TMEM45A: variants seen among roughly 807,000 people sequenced by gnomAD.
The protein encoded by TMEM45A is transmembrane protein 45A.
A neutral mutation model predicts 32.0 loss-of-function variants in TMEM45A; 25 were observed. That is an observed-to-expected ratio of 0.78 (90% CI 0.57 to 1.09). TMEM45A has a LOEUF of 1.09. TMEM45A is among the 50% of genes least tolerant of loss of function. The pLI, the probability that TMEM45A is intolerant of heterozygous loss-of-function variation, is 0.00. For missense variants in TMEM45A, 302 were observed against 325.0 expected, an observed-to-expected ratio of 0.93 and a Z score of 0.54; for synonymous variants, 122 against 114.8, an observed-to-expected ratio of 1.06 and a Z score of -0.40.
intron 1 of TMEM45A, among the ~76,000 whole-genome samples, chr3:100,515,660 G>C (rs1368150060): frequency 2.6e-5 from 4 of 151,476 alleles, no homozygotes; most frequent in African/African-American, 9.7e-5. Flanking sequence ...GAACTATTGA[G>C]CCACAAAAAG....
At chr3:100,558,838 C>T (rs933246067) in intron 4 of TMEM45A, among the ~76,000 whole-genome samples, 4 of 152,088 alleles carry the variant, frequency 2.6e-5, no homozygotes, top group South Asian at 2.1e-4. Flanking sequence ...AACTCTGAGC[C>T]GATGCTTTTA....
chr3:100,556,881 G>A lies in TMEM45A; in HGVS notation c.312G>A (p.Leu104=), dbSNP rs576842776. 1.9e-6 allele frequency: 3 copies of A among 1,614,146 alleles called. No homozygotes were observed. The East Asian group carries it at 6.7e-5, about 36-fold the overall frequency. ...HHFTMYFFFG[L]LGVADILCFT... ...TCACCATGTATTTCTTCTTTGGGCT[G>A]TTGGGTGTGGCAGATATCTTATGTT... Residue 104 remains leucine (L), a synonymous_variant, in exon 3 of 6, where the codon CTG becomes CTA. Coordinates refer to ENST00000323523, the MANE Select transcript of TMEM45A (RefSeq NM_018004.3).
intron 1 of TMEM45A, among the ~76,000 whole-genome samples, chr3:100,548,239 C>T (rs1251736471): frequency 1.3e-5 from 2 of 152,152 alleles, no homozygotes; most frequent in East Asian, 1.9e-4. Context: ...GGGCTTATGA[C>T]ACTGACAAGA....
At chr3:100,547,752 A>G (rs1161957018) in intron 1 of TMEM45A, among the ~76,000 whole-genome samples, 1 of 152,152 alleles carries the variant, frequency 6.6e-6, no homozygotes, top group African/African-American at 2.4e-5. Flanking sequence ...ATGTAAAGTT[A>G]TTAGTATACA....
intron 1 of TMEM45A, among the ~76,000 whole-genome samples, chr3:100,512,498 A>G (rs866777374): frequency 8.5e-4 from 130 of 152,350 alleles, no homozygotes; most frequent in African/African-American, 3.0e-3. Context: ...AATTTATAGC[A>G]CTAAATGCCC....
chr3:100,503,580 G>C (rs1708036440), intron 1 of TMEM45A, among the ~76,000 whole-genome samples: 1 of 152,220 alleles, frequency 6.6e-6, no homozygotes, highest in Admixed American at 6.5e-5. Flanking sequence ...TGTCATTGCA[G>C]AGGTTTCATG....
In TMEM45A at chr3:100,538,356, T is replaced by A. The variant is rs1705783812; in HGVS notation, c.-3-16853T>A. The stretch of plus-strand genomic sequence containing the variant: ...AGGTCTTTCTTTTTTAAAAGATAAG[T>A]TAAACACAAAACAAAACAAACAGAA... On this transcript the variant is annotated intron_variant, in intron 1 of 5. Coordinates refer to ENST00000323523, the MANE Select transcript of TMEM45A (RefSeq NM_018004.3). Among the ~76,000 whole-genome samples, 3 of 138,868 alleles carry A rather than the reference T, an allele frequency of 2.2e-5. No homozygotes were observed. In the Admixed American group the frequency reaches 2.3e-4, roughly 11 times the overall value. The allele number at this position is 138,868 out of a possible 152,430, so 91.1% of individuals were successfully genotyped here.
chr3:100,533,244 GA>G (rs961532266), intron 1 of TMEM45A, among the ~76,000 whole-genome samples: 50 of 146,332 alleles, frequency 3.4e-4, no homozygotes, highest in Admixed American at 1.2e-3. Context: ...TCTTACAAAA[GA>G]AAAAAAAAAG....
chr3:100,540,215 T>C (rs1705841060), intron 1 of TMEM45A, among the ~76,000 whole-genome samples: 1 of 152,160 alleles, frequency 6.6e-6, no homozygotes, highest in African/African-American at 2.4e-5. Flanking sequence ...TCTAGATTCA[T>C]TGTTTGAATA....
chr3:100,544,810 G>A (rs1000032369), intron 1 of TMEM45A, among the ~76,000 whole-genome samples: 1 of 152,176 alleles, frequency 6.6e-6, no homozygotes, highest in African/African-American at 2.4e-5. Flanking sequence ...CCATGTACAA[G>A]TCTTTGTGTG....
At chr3:100,498,245 CT>C (rs1707959922) in intron 1 of TMEM45A, among the ~76,000 whole-genome samples, 2 of 152,216 alleles carry the variant, frequency 1.3e-5, no homozygotes, top group Non-Finnish European at 2.9e-5. Flanking sequence ...AATTAAACCT[CT>C]TTCTTGTATG....
chr3:100,565,183 GTCT>G (rs1706406415), intron 4 of TMEM45A, among the ~76,000 whole-genome samples: 1 of 152,210 alleles, frequency 6.6e-6, no homozygotes, highest in Admixed American at 6.5e-5. Context: ...GGATGACGAT[GTCT>G]TCTTCTTGAG....
intron 1 of TMEM45A, among the ~76,000 whole-genome samples, chr3:100,534,584 GC>G (rs929956108): frequency 4.6e-5 from 7 of 152,174 alleles, no homozygotes; most frequent in African/African-American, 1.7e-4. Flanking sequence ...AGGGAACGTG[GC>G]CCTGCCAGCA....
intron 1 of TMEM45A, among the ~76,000 whole-genome samples, chr3:100,502,545 C>T (rs1708021154): frequency 6.6e-6 from 1 of 152,148 alleles, no homozygotes; most frequent in African/African-American, 2.4e-5. Context: ...TAGCTCACTG[C>T]AGCTTCAACC....
chr3:100,537,444 G>A (rs1576277348), intron 1 of TMEM45A, among the ~76,000 whole-genome samples: 2 of 152,282 alleles, frequency 1.3e-5, no homozygotes, highest in Middle Eastern at 3.4e-3. Context: ...GATTGCCCTT[G>A]TCTTCCACCT....
At chr3:100,508,643 A>G (rs569799920) in intron 1 of TMEM45A, among the ~76,000 whole-genome samples, 2 of 152,340 alleles carry the variant, frequency 1.3e-5, no homozygotes, top group South Asian at 2.1e-4. Context: ...TAGAGAATTC[A>G]GAAATAAATC....
chr3:100,542,879 C>T (rs67348505), intron 1 of TMEM45A, among the ~76,000 whole-genome samples: 70,593 of 151,768 alleles, frequency 0.47, 16,951 homozygotes, highest in African/African-American at 0.57. Flanking sequence ...CATTGGGGAC[C>T]ACTAGAGGAG....
intron 5 of TMEM45A, among the ~76,000 whole-genome samples, chr3:100,569,512 G>A (rs776654414): frequency 1.3e-5 from 2 of 152,162 alleles, no homozygotes; most frequent in Non-Finnish European, 2.9e-5. Flanking sequence ...GTAGAACAGA[G>A]TTATAAGAAC....
intron 1 of TMEM45A, among the ~76,000 whole-genome samples, chr3:100,527,048 G>A (rs371970914): frequency 8.0e-4 from 122 of 152,188 alleles, no homozygotes; most frequent in African/African-American, 2.7e-3. Flanking sequence ...TAATATATAT[G>A]CTTTTTGGGA....
Sources: gnomAD v4.1 joint callset for allele counts (sites outside exome capture counted in the v4.1 genomes callset) on GRCh38, gnomAD v4.1.1 for gene constraint, MANE v1.5 for transcripts, NCBI Gene and HGNC (gene_info 2026-07-23, HGNC 2026-07-21) for gene names.